UGT1A7: variants seen among roughly 807,000 people sequenced by gnomAD.
UGT1A7 encodes UDP glucuronosyltransferase family 1 member A7.
A neutral mutation model predicts 45.6 loss-of-function variants in UGT1A7; 33 were observed. The ratio of observed to expected loss-of-function variants is 0.72; its 90% CI spans 0.55 to 0.97. The LOEUF (loss-of-function observed/expected upper bound fraction) is 0.97. Ranked by LOEUF, UGT1A7 falls within the 50% of genes least tolerant of loss-of-function variation. The pLI is 0.00. For missense variants in UGT1A7, 684 were observed against 666.2 expected, an observed-to-expected ratio of 1.03 and a Z score of -0.29; for synonymous variants, 274 against 250.6, an observed-to-expected ratio of 1.09 and a Z score of -0.88.
chr2:233,765,482 C>T (rs1647966215), intron 1 of UGT1A7, among the ~76,000 whole-genome samples: 1 of 152,108 alleles, frequency 6.6e-6, no homozygotes, highest in South Asian at 2.1e-4. Context: ...TGGAAGCCAT[C>T]ATCCTCCACA....
chr2:233,691,367 A>T (rs1469452115), intron 1 of UGT1A7: 1 of 985,382 alleles, frequency 1.0e-6, no homozygotes, highest in Non-Finnish European at 1.2e-6. Context: ...ATGAATTTGC[A>T]TCCTGGTTAT....
chr2:233,705,918 T>C (rs1302424656), intron 1 of UGT1A7, among the ~76,000 whole-genome samples: 1 of 152,048 alleles, frequency 6.6e-6, no homozygotes, highest in East Asian at 1.9e-4. Flanking sequence ...TGAAACTCCT[T>C]CTCTACTAAA....
Position 233,690,582 on chromosome 2 carries a change from C to T in UGT1A7, c.855+7790C>T, listed in dbSNP as rs373003264. The T allele has an allele frequency of 2.3e-6, 3 of 1,283,748 alleles. No individual in the cohort carries two copies. The African/African-American group carries it at 4.6e-5, about 20-fold the overall frequency. The allele number at this position is 1,283,748 out of a possible 1,614,324, so 79.5% of individuals were successfully genotyped here. Reference sequence around the variant, plus strand: ...CCTGAGTCATTCAGCCTGCAGCAATCCCTGAGAAAAAAAAAAAATCGGCCT... The same window carrying T: ...CCTGAGTCATTCAGCCTGCAGCAATTCCTGAGAAAAAAAAAAAATCGGCCT... On this transcript the variant is annotated intron_variant, in intron 1 of 4. Transcript: ENST00000373426.
At chr2:233,699,496 T>A (rs1207388053) in intron 1 of UGT1A7, among the ~76,000 whole-genome samples, 1 of 152,174 alleles carries the variant, frequency 6.6e-6, no homozygotes, top group Admixed American at 6.5e-5. Flanking sequence ...CTACTTGTAA[T>A]ACAAAGAACT....
At chr2:233,729,803 C>T in intron 1 of UGT1A7, 4 of 1,613,928 alleles carry the variant, frequency 2.5e-6, no homozygotes, top group Non-Finnish European at 3.4e-6. Flanking sequence ...ATTTGCCATG[C>T]TTTTTCTGCT....
intron 1 of UGT1A7, among the ~76,000 whole-genome samples, chr2:233,716,819 C>T (rs1378965211): frequency 6.6e-6 from 1 of 152,146 alleles, no homozygotes. Context: ...GCTGGGGTGA[C>T]CTCACTGACA....
intron 4 of UGT1A7, 116 bp downstream of exon 4, chr2:233,768,555 A>C: frequency 6.8e-7 from 1 of 1,474,628 alleles, no homozygotes; most frequent in African/African-American, 1.4e-5. Flanking sequence ...AAAAACAAAT[A>C]CATAAAAATC....
intron 1 of UGT1A7, among the ~76,000 whole-genome samples, chr2:233,745,147 T>C (rs1693024972): frequency 6.6e-6 from 1 of 151,864 alleles, no homozygotes; most frequent in Non-Finnish European, 1.5e-5. Flanking sequence ...CCCAAGTATA[T>C]GGAGGGTCAA....
rs189902631 is a variant in UGT1A7, at chr2:233,721,408, A to T, written c.855+38616A>T. ...CATTTTTCTAGCTATGTGACCTAGG[A>T]CAGGTACCCTAAGCATTGTGGTTTT... is the stretch of plus-strand genomic sequence containing the variant. On this transcript the variant is annotated intron_variant, in intron 1 of 4. Coordinates refer to ENST00000373426, the MANE Select transcript of UGT1A7 (RefSeq NM_019077.3). 676 of 155,018 alleles carry T rather than the reference A, an allele frequency of 4.4e-3. 10 individuals are homozygous for T. The highest frequency in any genetic ancestry group is 0.015 in the African/African-American group (639 of 41,588). 9.6% of individuals were successfully genotyped at this position (155,018 alleles called of 1,614,324 possible).
rs961413232 is a variant in UGT1A7 at position 233,745,610 on chromosome 2, A to G, written c.856-21424A>G. Among the ~76,000 whole-genome samples the G allele has an allele frequency of 4.0e-4, 61 of 151,736 alleles. 2 individuals carry two copies. Among genetic ancestry groups the G allele is most frequent in the African/African-American group, 1.3e-3 (55 of 41,108 alleles). ...GACCCGGACTTGGCACTTGGTAAGCACACAATGAACAGTCATAGAAAGCTG... is the reference window on the plus strand; with the variant it reads ...GACCCGGACTTGGCACTTGGTAAGCGCACAATGAACAGTCATAGAAAGCTG... On this transcript the variant is annotated intron_variant, in intron 1 of 4. Coordinates refer to ENST00000373426, the MANE Select transcript of UGT1A7 (RefSeq NM_019077.3).
chr2:233,754,105 C>T (rs1695394703), intron 1 of UGT1A7, among the ~76,000 whole-genome samples: 1 of 152,196 alleles, frequency 6.6e-6, no homozygotes, highest in South Asian at 2.1e-4. Context: ...TCAACTCTTC[C>T]TACATCACGA....
At chr2:233,715,304 G>A (rs1362641009) in intron 1 of UGT1A7, among the ~76,000 whole-genome samples, 1 of 152,110 alleles carries the variant, frequency 6.6e-6, no homozygotes, top group Non-Finnish European at 1.5e-5. Flanking sequence ...CTCTTGAATA[G>A]GTTTTGCTTT....
At chr2:233,768,188 A>G in intron 3 of UGT1A7, 32 bp from the exon 4 acceptor site, 1 of 1,614,062 alleles carries the variant, frequency 6.2e-7, no homozygotes, top group Non-Finnish European at 8.5e-7. Context: ...CAGAGATGTA[A>G]CTGCTGACAT....
At chr2:233,729,574 T>C (rs774879716) in intron 1 of UGT1A7, 3 of 1,614,162 alleles carry the variant, frequency 1.9e-6, no homozygotes, top group Non-Finnish European at 1.7e-6. Flanking sequence ...TGATGTGGTT[T>C]TAACAGACCC....
intron 1 of UGT1A7, chr2:233,729,276 G>A (rs765243640): frequency 3.1e-6 from 5 of 1,614,232 alleles, no homozygotes; most frequent in Admixed American, 3.3e-5. Context: ...TCTTGCGGGA[G>A]CTCCATGCCA....
At chr2:233,761,154 G>A (rs1374366123) in intron 1 of UGT1A7, 1 of 1,614,240 alleles carries the variant, frequency 6.2e-7, no homozygotes, top group East Asian at 2.2e-5. Flanking sequence ...TATCCCAGGT[G>A]TGTATTGGAG....
intron 1 of UGT1A7, among the ~76,000 whole-genome samples, chr2:233,687,736 C>G (rs148067936): frequency 1.6e-3 from 236 of 152,066 alleles, no homozygotes; most frequent in African/African-American, 5.5e-3. Context: ...GACACTGTCT[C>G]TACAAAAAAT....
intron 1 of UGT1A7, chr2:233,760,886 A>C (rs1453639780): frequency 8.7e-6 from 14 of 1,613,816 alleles, no homozygotes; most frequent in Non-Finnish European, 1.1e-5. Flanking sequence ...CTCTCCTCTC[A>C]TTCAGATCAC....
chr2:233,734,975 A>G (rs1254918242), intron 1 of UGT1A7, among the ~76,000 whole-genome samples: 1 of 152,228 alleles, frequency 6.6e-6, no homozygotes, highest in Non-Finnish European at 1.5e-5. Context: ...TGGTGCTGAG[A>G]AGAATGTATA....
Sources: allele counts gnomAD v4.1 joint callset (sites outside exome capture counted in the v4.1 genomes callset), GRCh38; gene constraint gnomAD v4.1.1; transcripts MANE v1.5; gene names NCBI Gene and HGNC (gene_info 2026-07-23, HGNC 2026-07-21).